RORA: variants seen among roughly 807,000 people sequenced by gnomAD.
RORA encodes RAR related orphan receptor A.
In RORA, 7 loss-of-function variants were observed where a neutral mutation model predicts 69.5. That is an observed-to-expected ratio of 0.10 (90% CI 0.06 to 0.19). RORA has a LOEUF of 0.19. RORA is among the 10% of genes least tolerant of loss of function. The probability of loss-of-function intolerance (pLI) is 1.00; values close to 1 mark genes in which losing one functional copy is unlikely to be tolerated. For missense variants in RORA, 457 were observed against 663.0 expected, an observed-to-expected ratio of 0.69 and a Z score of 3.41; for synonymous variants, 261 against 240.8, an observed-to-expected ratio of 1.08 and a Z score of -0.78.
chr15:60,753,161 G>C (rs2071751177), intron 1 of RORA, among the ~76,000 whole-genome samples: 1 of 152,236 alleles, frequency 6.6e-6, no homozygotes, highest in Non-Finnish European at 1.5e-5. Context: ...ACAGGGAGCA[G>C]CACGTGGATG....
rs2065031985 is a variant in RORA at position 60,491,014 on chromosome 15, G to A, written c.*6441C>T. The A allele has an allele frequency of 6.6e-6, 1 of 152,122 alleles. No individual in the cohort carries two copies. Among genetic ancestry groups the A allele is most frequent in the African/African-American group, 2.4e-5 (1 of 41,430 alleles). The allele number at this position is 152,122 out of a possible 1,614,324, so 9.4% of individuals were successfully genotyped here. ...CAATACAGGTACATTTATAGAAGCA[G>A]CCAGCTAATGTCCTAATGTTTAAAA... On this transcript the variant is annotated 3_prime_UTR_variant, in exon 11 of 11. Coordinates refer to ENST00000335670, the MANE Select transcript of RORA (RefSeq NM_134261.3).
Position 60,610,350 on chromosome 15 carries a change from C to T in RORA, c.196+68307G>A, listed in dbSNP as rs528849720. ...CTGAGGACCAGGAGCAAAGAACAGA[C>T]GCAGGTTTCATCAAAGCAGCCTCTC... On this transcript the variant is annotated intron_variant, in intron 2 of 10. Transcript: ENST00000335670. Among the ~76,000 whole-genome samples, 8 of 152,228 alleles carry T rather than the reference C, an allele frequency of 5.3e-5. No homozygotes were observed. In the South Asian group the frequency reaches 6.2e-4, roughly 12 times the overall value.
chr15:60,664,094 A>C (rs2070346425), intron 2 of RORA, among the ~76,000 whole-genome samples: 1 of 152,226 alleles, frequency 6.6e-6, no homozygotes, highest in Admixed American at 6.5e-5. Context: ...ATTCTCCTAA[A>C]TGATACTGTC....
chr15:60,561,686 C>T (rs892864949), intron 2 of RORA, among the ~76,000 whole-genome samples: 2 of 152,058 alleles, frequency 1.3e-5, no homozygotes. Context: ...AAGGAAAGTA[C>T]ATCTCAATCC....
At chr15:60,563,951 G>A (rs913768942) in intron 2 of RORA, among the ~76,000 whole-genome samples, 17 of 152,266 alleles carry the variant, frequency 1.1e-4, no homozygotes, top group Admixed American at 2.6e-4. Context: ...AGACCTGCAT[G>A]CGGCTTTCAC....
intron 2 of RORA, among the ~76,000 whole-genome samples, chr15:60,631,193 G>A (rs2069729878): frequency 6.6e-6 from 1 of 152,138 alleles, no homozygotes; most frequent in African/African-American, 2.4e-5. Flanking sequence ...CCGGCCAGCA[G>A]CATGAGACTT....
intron 1 of RORA, among the ~76,000 whole-genome samples, chr15:61,033,011 G>C (rs997491525): frequency 6.6e-6 from 1 of 152,158 alleles, no homozygotes; most frequent in African/African-American, 2.4e-5. Context: ...CTGCGAGGTA[G>C]GCATTGCCTT....
In RORA at chr15:60,515,206, G is replaced by C. The variant is rs990681409; in HGVS notation, c.283-449C>G. On this transcript the variant is annotated intron_variant, in intron 3 of 10. Transcript: ENST00000335670. Reference sequence around the variant, plus strand: ...CCACAACCTAGGGCACTGTGAACCTGGTGAACCATGGTAATCTTCACTAGC... The same window carrying C: ...CCACAACCTAGGGCACTGTGAACCTCGTGAACCATGGTAATCTTCACTAGC... Among the ~76,000 whole-genome samples the C allele has an allele frequency of 3.3e-5, 5 of 152,196 alleles. No homozygotes were observed. The South Asian group carries it at 8.3e-4, about 25-fold the overall frequency.
At chr15:60,790,967 C>G (rs2072408042) in intron 1 of RORA, among the ~76,000 whole-genome samples, 1 of 152,090 alleles carries the variant, frequency 6.6e-6, no homozygotes, top group South Asian at 2.1e-4. Context: ...AGAAACGCCC[C>G]CCCATTGCCC....
rs572633262 is a variant in RORA, at chr15:61,013,011, T to C, written c.166+216042A>G. The stretch of plus-strand genomic sequence containing the variant: ...TAATTACAATCACAGGCAAATGGTA[T>C]CTTGGGATGACAAACTTCCCTGAAA... On this transcript the variant is annotated intron_variant, in intron 1 of 10. Transcript: ENST00000335670. 2.3e-3 allele frequency among the ~76,000 whole-genome samples: 347 copies of C among 152,336 alleles called. 4 individuals carry two copies. Among genetic ancestry groups the C allele is most frequent in the African/African-American group, 7.9e-3 (330 of 41,560 alleles).
chr15:60,691,342 A>C (rs2070821631), intron 1 of RORA, among the ~76,000 whole-genome samples: 1 of 152,124 alleles, frequency 6.6e-6, no homozygotes, highest in Non-Finnish European at 1.5e-5. Flanking sequence ...TCTTCCCAAC[A>C]ATTTCAATTC....
chr15:60,717,675 T>A (rs1459852237), intron 1 of RORA, among the ~76,000 whole-genome samples: 2 of 151,976 alleles, frequency 1.3e-5, no homozygotes, highest in African/African-American at 4.8e-5. Context: ...AGACAATAAA[T>A]AAAAAATACA....
chr15:61,083,304 T>C (rs2078572812), intron 1 of RORA, among the ~76,000 whole-genome samples: 1 of 152,134 alleles, frequency 6.6e-6, no homozygotes, highest in South Asian at 2.1e-4. Flanking sequence ...CCAGGCAGAA[T>C]CCAAAGTGCA....
intron 1 of RORA, among the ~76,000 whole-genome samples, chr15:61,211,719 C>A (rs955153259): frequency 6.6e-6 from 1 of 152,172 alleles, no homozygotes; most frequent in Non-Finnish European, 1.5e-5. Context: ...AGCCCCCTCC[C>A]GCCACACTAC....
intron 2 of RORA, among the ~76,000 whole-genome samples, chr15:60,613,767 GAAAA>G (rs34005203): frequency 1.6e-5 from 2 of 124,594 alleles, no homozygotes; most frequent in African/African-American, 5.9e-5. Context: ...AAAGTCACCT[GAAAA>G]AAAAAAAAGG....
intron 1 of RORA, among the ~76,000 whole-genome samples, chr15:61,209,342 A>T (rs1379526819): frequency 6.6e-6 from 1 of 152,226 alleles, no homozygotes; most frequent in African/African-American, 2.4e-5. Flanking sequence ...GGGTTTCACT[A>T]CTGTGATTTC....
chr15:61,161,587 T>A (rs1226739364), intron 1 of RORA, among the ~76,000 whole-genome samples: 1 of 152,168 alleles, frequency 6.6e-6, no homozygotes, highest in Non-Finnish European at 1.5e-5. Flanking sequence ...TTTCTTAATG[T>A]TTTATTGTTT....
chr15:60,978,961 C>CTTTTTTTTTTTTTTTTTTTTTT (rs543353825), intron 1 of RORA, among the ~76,000 whole-genome samples: 2 of 95,136 alleles, frequency 2.1e-5, no homozygotes, highest in African/African-American at 8.2e-5. Context: ...CAACTTTGCT[C>CTTTTTTTTTTTTTTTTTTTTTT]TTTTTTTTTT....
At chr15:60,645,396 TAAC>T (rs1223996659) in intron 2 of RORA, among the ~76,000 whole-genome samples, 1 of 151,392 alleles carries the variant, frequency 6.6e-6, no homozygotes, top group Non-Finnish European at 1.5e-5. Context: ...TAGAAGATTC[TAAC>T]AACAAGGTCT....
Sources: gnomAD v4.1 joint callset for allele counts (sites outside exome capture counted in the v4.1 genomes callset) on GRCh38, gnomAD v4.1.1 for gene constraint, MANE v1.5 for transcripts, NCBI Gene and HGNC (gene_info 2026-07-23, HGNC 2026-07-21) for gene names.